Variants in H2AC7 observed in about 807,000 individuals in gnomAD.
The protein encoded by H2AC7 is histone H2A type 1-D.
Under a neutral mutation model 8.3 loss-of-function variants are expected in H2AC7, and 15 were observed. The ratio of observed to expected loss-of-function variants is 1.81; its 90% CI spans 1.21 to 2.79. H2AC7 has a LOEUF of 2.79. Ranked by LOEUF, H2AC7 falls within the 30% of genes most tolerant of loss-of-function variation. H2AC7 has a pLI of 0.00. For missense variants in H2AC7, 283 were observed against 175.2 expected, an observed-to-expected ratio of 1.62 and a Z score of -3.47; for synonymous variants, 168 against 80.1, an observed-to-expected ratio of 2.10 and a Z score of -5.86.
In H2AC7 at chr6:26,199,118, C is replaced by A; in HGVS notation, c.126G>T (p.Glu42Asp). 1 of 1,614,214 alleles carries A rather than the reference C, an allele frequency of 6.2e-7. No individual in the cohort carries two copies. The highest frequency in any genetic ancestry group is 8.5e-7 in the Non-Finnish European group (1 of 1,180,028). Reference protein sequence around the residue: ...HRLLRKGNYSERVGAGAPVYL... With the variant: ...HRLLRKGNYSDRVGAGAPVYL... ...ACACTGGCGCGCCGGCCCCGACTCG[C>A]TCGGAGTAGTTGCCCTTGCGGAGCA... The change falls in exon 1 of 1, where the codon GAG becomes GAT. Residue 42 changes from glutamate (E) to aspartate (D), a missense_variant. Glu to Asp is a conservative substitution (Grantham distance 45). Coordinates refer to ENST00000341023, the MANE Select transcript of H2AC7 (RefSeq NM_021065.3).
Position 26,198,934 on chromosome 6 carries a change from C to A in H2AC7, c.310G>T (p.Ala104Ser), listed in dbSNP as rs770822366. Reference protein sequence around the residue: ...LNKLLGKVTIAQGGVLPNIQA... With the variant: ...LNKLLGKVTISQGGVLPNIQA... Reference sequence around the variant, plus strand: ...ATGTTGGGCAGAACACCGCCCTGAGCAATTGTGACTTTACCCAGCAACTTG... The same window carrying A: ...ATGTTGGGCAGAACACCGCCCTGAGAAATTGTGACTTTACCCAGCAACTTG... The change falls in exon 1 of 1, where the codon GCT becomes TCT. Residue 104 changes from alanine (A) to serine (S), a missense_variant. By Grantham distance (99) the Ala-to-Ser change is moderately conservative. Transcript: ENST00000341023. 2 of 1,614,222 alleles carry A rather than the reference C, an allele frequency of 1.2e-6. No individual in the cohort carries two copies. Among genetic ancestry groups the A allele is most frequent in the Non-Finnish European group, 1.7e-6 (2 of 1,180,038 alleles).
chr6:26,199,193 G>A lies in H2AC7; in HGVS notation c.51C>T (p.Thr17=), dbSNP rs372124884. The change falls in exon 1 of 1, where the codon ACC becomes ACT. Residue 17 remains threonine, a synonymous_variant. Transcript: ENST00000341023. Reference sequence around the variant, plus strand: ...ACTGGAGTCCGGCCCGCGAAGAGCGGGTCTTAGCCTTAGCTCGGGCCTTTC... The same window carrying A: ...ACTGGAGTCCGGCCCGCGAAGAGCGAGTCTTAGCCTTAGCTCGGGCCTTTC... ...QGGKARAKAK[T]RSSRAGLQFP... 89 of 1,613,322 alleles carry A rather than the reference G, an allele frequency of 5.5e-5. No individual in the cohort carries two copies. The highest frequency in any genetic ancestry group is 7.3e-5 in the Non-Finnish European group (86 of 1,179,838).
Position 26,199,148 on chromosome 6 carries a change from G to C in H2AC7, c.96C>G (p.His32Gln), listed in dbSNP as rs745708378. The change falls in exon 1 of 1, where the codon CAC becomes CAG. Residue 32 changes from histidine to glutamine, a missense_variant. Physicochemically the swap from His to Gln is conservative, Grantham distance 24. Transcript: ENST00000341023. Reference protein sequence around the residue: ...AGLQFPVGRVHRLLRKGNYSE... With the variant: ...AGLQFPVGRVQRLLRKGNYSE... ...AGTAGTTGCCCTTGCGGAGCAAGCGGTGTACGCGGCCCACAGGGAACTGGA... is the reference window on the plus strand; with the variant it reads ...AGTAGTTGCCCTTGCGGAGCAAGCGCTGTACGCGGCCCACAGGGAACTGGA... The C allele has an allele frequency of 3.7e-6, 6 of 1,614,208 alleles. No individual in the cohort carries two copies. Among genetic ancestry groups the C allele is most frequent in the Non-Finnish European group, 5.1e-6 (6 of 1,180,032 alleles).
Position 26,199,191 on chromosome 6 carries a change from C to A in H2AC7, c.53G>T (p.Arg18Leu). The A allele has an allele frequency of 6.2e-7, 1 of 1,613,886 alleles. No homozygotes were observed. The highest frequency in any genetic ancestry group is 8.5e-7 in the Non-Finnish European group (1 of 1,179,900). The part of the protein sequence containing the change: ...GGKARAKAKT[R>L]SSRAGLQFPV... The stretch of plus-strand genomic sequence containing the variant: ...GAACTGGAGTCCGGCCCGCGAAGAG[C>A]GGGTCTTAGCCTTAGCTCGGGCCTT... The change falls in exon 1 of 1, where the codon CGC becomes CTC. Residue 18 changes from arginine (R) to leucine (L), a missense_variant. By Grantham distance (102) the Arg-to-Leu change is moderately radical (BLOSUM62 -2). Coordinates refer to ENST00000341023, the MANE Select transcript of H2AC7 (RefSeq NM_021065.3).
rs374947872 is a variant in H2AC7, at chr6:26,199,210, G to A, written c.34C>T (p.Arg12Ter). The change falls in exon 1 of 1, where the codon CGA becomes TGA. Residue 12 changes from arginine to a stop codon, truncating the protein, a stop_gained. Coordinates refer to ENST00000341023, the MANE Select transcript of H2AC7 (RefSeq NM_021065.3). LOFTEE classifies it high-confidence loss of function. ...SGRGKQGGKA[R>*]AKAKTRSSRA... The stretch of plus-strand genomic sequence containing the variant: ...GAAGAGCGGGTCTTAGCCTTAGCTC[G>A]GGCCTTTCCGCCTTGCTTGCCGCGT... 3 of 1,608,836 alleles carry A rather than the reference G, an allele frequency of 1.9e-6. No homozygotes were observed. Among genetic ancestry groups the A allele is most frequent in the South Asian group, 2.2e-5 (2 of 89,970 alleles).
In H2AC7 at chr6:26,198,912, T is replaced by A. The variant is rs770198458; in HGVS notation, c.332A>T (p.Asn111Ile). The A allele has an allele frequency of 8.7e-6, 14 of 1,614,254 alleles. No homozygotes were observed. The highest frequency in any genetic ancestry group is 1.2e-5 in the Non-Finnish European group (14 of 1,180,038). Residue 111 changes from asparagine (N) to isoleucine (I), a missense_variant, in exon 1 of 1, where the codon AAC becomes ATC. Coordinates refer to ENST00000341023, the MANE Select transcript of H2AC7 (RefSeq NM_021065.3). ...VTIAQGGVLPNIQAVLLPKKT... is the reference protein window; with the variant it reads ...VTIAQGGVLPIIQAVLLPKKT... ...CTTGGGGAGCAGTACAGCCTGGATG[T>A]TGGGCAGAACACCGCCCTGAGCAAT...
Position 26,198,863 on chromosome 6 carries a change from G to A in H2AC7, c.381C>T (p.Ala127=). 1.2e-6 allele frequency: 2 copies of A among 1,613,466 alleles called. No individual in the cohort carries two copies. Among genetic ancestry groups the A allele is most frequent in the African/African-American group, 1.3e-5 (1 of 74,980 alleles). ...AAGAGTTCTCGTTTTACTTGCCCTT[G>A]GCCTTGTGGTGACTCTCAGTCTTCT... ...LPKKTESHHK[A]KGK The change falls in exon 1 of 1, where the codon GCC becomes GCT. Residue 127 remains alanine, a synonymous_variant. Coordinates refer to ENST00000341023, the MANE Select transcript of H2AC7 (RefSeq NM_021065.3).
rs754649939 is a variant in H2AC7, at chr6:26,199,134, T to A, written c.110A>T (p.Lys37Met). 6.2e-7 allele frequency: 1 copy of A among 1,614,098 alleles called. No homozygotes were observed. The highest frequency in any genetic ancestry group is 8.5e-7 in the Non-Finnish European group (1 of 1,180,048). Residue 37 changes from lysine (K) to methionine (M), a missense_variant, in exon 1 of 1, where the codon AAG (lysine) becomes ATG (methionine). Lys to Met is a moderately conservative substitution (Grantham distance 95). Transcript: ENST00000341023. ...CCCGACTCGCTCGGAGTAGTTGCCC[T>A]TGCGGAGCAAGCGGTGTACGCGGCC... The part of the protein sequence containing the change: ...PVGRVHRLLR[K>M]GNYSERVGAG...
In H2AC7 at chr6:26,199,065, G is replaced by A. The variant is rs765242596; in HGVS notation, c.179C>T (p.Thr60Ile). The change falls in exon 1 of 1, where the codon ACC becomes ATC. Residue 60 changes from threonine (T) to isoleucine (I), a missense_variant. By Grantham distance (89) the Thr-to-Ile change is moderately conservative. Coordinates refer to ENST00000341023, the MANE Select transcript of H2AC7 (RefSeq NM_021065.3). The stretch of plus-strand genomic sequence containing the variant: ...GCCCGCCAGCTCCAGGATCTCGGCG[G>A]TCAGGTACTCCAACACCGCCGCCAG... Reference protein sequence around the residue: ...VYLAAVLEYLTAEILELAGNA... With the variant: ...VYLAAVLEYLIAEILELAGNA... 4.3e-6 allele frequency: 7 copies of A among 1,614,092 alleles called. No individual in the cohort carries two copies. The Admixed American group carries it at 5.0e-5, about 12-fold the overall frequency.
rs374706369 is a variant in H2AC7 at position 26,199,052 on chromosome 6, C to G, written c.192G>C (p.Leu64=). ...CGCGGGCGGCGTTGCCCGCCAGCTCCAGGATCTCGGCGGTCAGGTACTCCA... is the reference window on the plus strand; with the variant it reads ...CGCGGGCGGCGTTGCCCGCCAGCTCGAGGATCTCGGCGGTCAGGTACTCCA... The part of the protein sequence containing the change: ...AVLEYLTAEI[L]ELAGNAARDN... The change falls in exon 1 of 1, where the codon CTG becomes CTC. Residue 64 remains leucine (L), a synonymous_variant. Transcript: ENST00000341023. 2 of 1,614,206 alleles carry G rather than the reference C, an allele frequency of 1.2e-6. No individual in the cohort carries two copies. Among genetic ancestry groups the G allele is most frequent in the East Asian group, 2.2e-5 (1 of 44,872 alleles).
chr6:26,198,882 G>A lies in H2AC7; in HGVS notation c.362C>T (p.Thr121Ile). 1.2e-6 allele frequency: 2 copies of A among 1,614,190 alleles called. No homozygotes were observed. Among genetic ancestry groups the A allele is most frequent in the African/African-American group, 1.3e-5 (1 of 75,048 alleles). ...GCCCTTGGCCTTGTGGTGACTCTCA[G>A]TCTTCTTGGGGAGCAGTACAGCCTG... ...NIQAVLLPKK[T>I]ESHHKAKGK Residue 121 changes from threonine to isoleucine, a missense_variant, in exon 1 of 1, where the codon ACT (threonine) becomes ATT (isoleucine). By Grantham distance (89) the Thr-to-Ile change is moderately conservative (BLOSUM62 -1). Transcript: ENST00000341023.
rs769958944 is a variant in H2AC7 at position 26,199,122 on chromosome 6, G to T, written c.122C>A (p.Ser41Tyr). Residue 41 changes from serine (S) to tyrosine (Y), a missense_variant, in exon 1 of 1, where the codon TCC (serine) becomes TAC (tyrosine). Coordinates refer to ENST00000341023, the MANE Select transcript of H2AC7 (RefSeq NM_021065.3). ...TGGCGCGCCGGCCCCGACTCGCTCG[G>T]AGTAGTTGCCCTTGCGGAGCAAGCG... ...VHRLLRKGNY[S>Y]ERVGAGAPVY... 1 of 1,614,228 alleles carries T rather than the reference G, an allele frequency of 6.2e-7. No individual in the cohort carries two copies. Among genetic ancestry groups the T allele is most frequent in the South Asian group, 1.1e-5 (1 of 91,082 alleles).
Position 26,199,013 on chromosome 6 carries a change from G to C in H2AC7, c.231C>G (p.Thr77=), listed in dbSNP as rs1331185233. The C allele has an allele frequency of 5.0e-6, 8 of 1,614,146 alleles. No individual in the cohort carries two copies. Among genetic ancestry groups the C allele is most frequent in the Non-Finnish European group, 6.8e-6 (8 of 1,180,022 alleles). The change falls in exon 1 of 1, where the codon ACC becomes ACG. Residue 77 remains threonine, a synonymous_variant. Coordinates refer to ENST00000341023, the MANE Select transcript of H2AC7 (RefSeq NM_021065.3). ...AGNAARDNKK[T]RIIPRHLQLA... ...GCTGCAGGTGTCGGGGGATGATGCG[G>C]GTCTTCTTGTTGTCGCGGGCGGCGT... is the stretch of plus-strand genomic sequence containing the variant.
Position 26,199,204 on chromosome 6 carries a change from T to G in H2AC7, c.40A>C (p.Lys14Gln). 6.2e-7 allele frequency: 1 copy of G among 1,612,348 alleles called. No individual in the cohort carries two copies. Among genetic ancestry groups the G allele is most frequent in the Non-Finnish European group, 8.5e-7 (1 of 1,179,498 alleles). ...RGKQGGKARA[K>Q]AKTRSSRAGL... ...GCCCGCGAAGAGCGGGTCTTAGCCT[T>G]AGCTCGGGCCTTTCCGCCTTGCTTG... The change falls in exon 1 of 1, where the codon AAG becomes CAG. Residue 14 changes from lysine (K) to glutamine (Q), a missense_variant. Coordinates refer to ENST00000341023, the MANE Select transcript of H2AC7 (RefSeq NM_021065.3).
rs374947872 is a variant in H2AC7, at chr6:26,199,210, G to C, written c.34C>G (p.Arg12Gly). 2.1e-5 allele frequency: 33 copies of C among 1,608,714 alleles called. No homozygotes were observed. Among genetic ancestry groups the C allele is most frequent in the Non-Finnish European group, 2.6e-5 (31 of 1,178,640 alleles). Residue 12 changes from arginine (R) to glycine (G), a missense_variant, in exon 1 of 1, where the codon CGA (arginine) becomes GGA (glycine). Arg to Gly is a moderately radical substitution (Grantham distance 125, BLOSUM62 -2). Transcript: ENST00000341023. ...GAAGAGCGGGTCTTAGCCTTAGCTC[G>C]GGCCTTTCCGCCTTGCTTGCCGCGT... Reference protein sequence around the residue: ...SGRGKQGGKARAKAKTRSSRA... With the variant: ...SGRGKQGGKAGAKAKTRSSRA...
rs747169092 is a variant in H2AC7, at chr6:26,199,250, T to A, written c.-7A>T. 8.2e-6 allele frequency: 13 copies of A among 1,592,628 alleles called. No homozygotes were observed. The highest frequency in any genetic ancestry group is 1.1e-5 in the Non-Finnish European group (13 of 1,174,638). Reference sequence around the variant, plus strand: ...GCTTGCCGCGTCCGGACATTTTGAATTCTTAAAAACGATGTTAAGCAATGA... The same window carrying A: ...GCTTGCCGCGTCCGGACATTTTGAAATCTTAAAAACGATGTTAAGCAATGA... On this transcript the variant is annotated 5_prime_UTR_variant, in exon 1 of 1. Coordinates refer to ENST00000341023, the MANE Select transcript of H2AC7 (RefSeq NM_021065.3).
Position 26,198,995 on chromosome 6 carries a change from G to C in H2AC7, c.249C>G (p.His83Gln), listed in dbSNP as rs1159046597. 1.9e-6 allele frequency: 3 copies of C among 1,614,186 alleles called. No homozygotes were observed. In the South Asian group the frequency reaches 3.3e-5, roughly 18 times the overall value. Residue 83 changes from histidine to glutamine, a missense_variant, in exon 1 of 1, where the codon CAC becomes CAG. Coordinates refer to ENST00000341023, the MANE Select transcript of H2AC7 (RefSeq NM_021065.3). ...CGTCGTTGCGGATGGCCAGCTGCAGGTGTCGGGGGATGATGCGGGTCTTCT... is the reference window on the plus strand; with the variant it reads ...CGTCGTTGCGGATGGCCAGCTGCAGCTGTCGGGGGATGATGCGGGTCTTCT... Reference protein sequence around the residue: ...DNKKTRIIPRHLQLAIRNDEE... With the variant: ...DNKKTRIIPRQLQLAIRNDEE...
At position 26,199,213 on chromosome 6, in the gene H2AC7, C is replaced by G. The variant is rs201905916; in HGVS notation, c.31G>C (p.Ala11Pro). ...GAGCGGGTCTTAGCCTTAGCTCGGG[C>G]CTTTCCGCCTTGCTTGCCGCGTCCG... MSGRGKQGGK[A>P]RAKAKTRSSR... Residue 11 changes from alanine to proline, a missense_variant, in exon 1 of 1, where the codon GCC becomes CCC. Coordinates refer to ENST00000341023, the MANE Select transcript of H2AC7 (RefSeq NM_021065.3). The G allele has an allele frequency of 1.2e-6, 2 of 1,607,536 alleles. No homozygotes were observed. Among genetic ancestry groups the G allele is most frequent in the Non-Finnish European group, 1.7e-6 (2 of 1,178,298 alleles).
rs200459903 is a variant in H2AC7, at chr6:26,199,264, G to A, written c.-21C>T. ...GACATTTTGAATTCTTAAAAACGATGTTAAGCAATGAAGACAAAAATGTAA... is the reference window on the plus strand; with the variant it reads ...GACATTTTGAATTCTTAAAAACGATATTAAGCAATGAAGACAAAAATGTAA... On this transcript the variant is annotated 5_prime_UTR_variant, in exon 1 of 1. Coordinates refer to ENST00000341023, the MANE Select transcript of H2AC7 (RefSeq NM_021065.3). 122 of 1,586,416 alleles carry A rather than the reference G, an allele frequency of 7.7e-5. No individual in the cohort carries two copies. In the African/African-American group the frequency reaches 1.4e-3, roughly 18 times the overall value.
Sources: gnomAD v4.1 joint callset for allele counts on GRCh38, gnomAD v4.1.1 for gene constraint, MANE v1.5 for transcripts, NCBI Gene and HGNC (gene_info 2026-07-23, HGNC 2026-07-21) for gene names.